Variants in MYRFL observed in about 807,000 individuals in gnomAD.
MYRFL encodes myelin regulatory factor like, also known as myelin regulatory factor-like protein.
In MYRFL, 88 loss-of-function variants were observed where a neutral mutation model predicts 109.4. That is an observed-to-expected ratio of 0.80 (90% CI 0.68 to 0.96). The LOEUF is 0.96. MYRFL is among the 40% of genes least tolerant of loss of function. The pLI is 0.00. For missense variants in MYRFL, 957 were observed against 954.9 expected, an observed-to-expected ratio of 1.00 and a Z score of -0.03; for synonymous variants, 324 against 320.9, an observed-to-expected ratio of 1.01 and a Z score of -0.10.
At chr12:69,852,315 A>G (rs1009832081) in intron 1 of MYRFL, among the ~76,000 whole-genome samples, 3 of 152,140 alleles carry the variant, frequency 2.0e-5, no homozygotes, top group African/African-American at 7.2e-5. Flanking sequence ...GGCCTTTCAT[A>G]GAGTTTTTAG....
At chr12:69,945,465 G>A (rs1955803008) in intron 19 of MYRFL, among the ~76,000 whole-genome samples, 1 of 152,176 alleles carries the variant, frequency 6.6e-6, no homozygotes, top group South Asian at 2.1e-4. Flanking sequence ...ACAGTAACAT[G>A]CTGTACAGGT....
At chr12:69,941,711 A>G (rs1313905188) in intron 19 of MYRFL, among the ~76,000 whole-genome samples, 2 of 144,594 alleles carry the variant, frequency 1.4e-5, no homozygotes, top group Admixed American at 6.8e-5. Context: ...AAATAGAGAC[A>G]CAAAAAACCC....
chr12:69,850,773 G>A (rs1460400121), intron 1 of MYRFL, among the ~76,000 whole-genome samples: 2 of 151,680 alleles, frequency 1.3e-5, no homozygotes, highest in Non-Finnish European at 2.9e-5. Flanking sequence ...ACATGAATTC[G>A]CTCTTCATCC....
At chr12:69,873,180 T>C (rs552024293) in intron 2 of MYRFL, among the ~76,000 whole-genome samples, 4 of 152,248 alleles carry the variant, frequency 2.6e-5, no homozygotes, top group African/African-American at 7.2e-5. Context: ...CTGGGCCACA[T>C]CGGAAGAAGA....
intron 19 of MYRFL, among the ~76,000 whole-genome samples, chr12:69,944,693 A>C (rs1955776975): frequency 7.1e-6 from 1 of 141,712 alleles, no homozygotes; most frequent in Non-Finnish European, 1.5e-5. Context: ...ATAATAAAAG[A>C]AAAAAAAAGA....
chr12:69,855,491 T>G, intron 2 of MYRFL, 121 bp downstream of exon 2: 1 of 596,058 alleles, frequency 1.7e-6, no homozygotes, highest in Non-Finnish European at 3.0e-6. Flanking sequence ...GTTGACATTA[T>G]TATGTCTATG....
At chr12:69,941,816 G>A (rs1222773601) in intron 19 of MYRFL, among the ~76,000 whole-genome samples, 8 of 151,758 alleles carry the variant, frequency 5.3e-5, no homozygotes, top group African/African-American at 1.7e-4. Flanking sequence ...AAAGACAGAA[G>A]AATCAAATAG....
rs188979622 is a variant in MYRFL, at chr12:69,945,303, C to T, written c.2225-6810C>T. ...CTCACTGATTGACTCAGAGCAACTT[C>T]CAGCCCTGTAAGCTCCATTCATGGT... On this transcript the variant is annotated intron_variant, in intron 19 of 24. Coordinates refer to ENST00000552032, the MANE Select transcript of MYRFL (RefSeq NM_182530.3). Among the ~76,000 whole-genome samples, 1,132 of 149,258 alleles carry T rather than the reference C, an allele frequency of 7.6e-3. 6 individuals are homozygous for T. The highest frequency in any genetic ancestry group is 0.013 in the Admixed American group (202 of 14,984).
chr12:69,866,172 G>A (rs1372278454), intron 2 of MYRFL, among the ~76,000 whole-genome samples: 1 of 152,050 alleles, frequency 6.6e-6, no homozygotes, highest in South Asian at 2.1e-4. Context: ...TACATGAAAT[G>A]TGTCTAAAAT....
intron 11 of MYRFL, among the ~76,000 whole-genome samples, chr12:69,906,961 C>T (rs1199665111): frequency 1.3e-5 from 2 of 152,198 alleles, no homozygotes; most frequent in Non-Finnish European, 2.9e-5. Context: ...TCCAAAACTT[C>T]TGTGGGCAAG....
rs765694846 is a variant in MYRFL at position 69,880,265 on chromosome 12, C to T, written c.529C>T (p.Arg177Ter). Residue 177 changes from arginine (R) to a stop codon, truncating the protein, a stop_gained, in exon 5 of 25, where the codon CGA becomes TGA. Coordinates refer to ENST00000552032, the MANE Select transcript of MYRFL (RefSeq NM_182530.3). LOFTEE classifies it high-confidence loss of function. ...GGCACTGGAGGACTCCGGGGAATGC[C>T]GAGTGTGGGCCTGCCACTGCAGACC... Reference protein sequence around the residue: ...TQALEDSGECRVWACHCRPMT... With the variant: ...TQALEDSGEC The T allele has an allele frequency of 1.0e-5, 7 of 702,468 alleles. No homozygotes were observed. The highest frequency in any genetic ancestry group is 4.4e-5 in the South Asian group (3 of 67,536). The allele number at this position is 702,468 out of a possible 1,614,324, so 43.5% of individuals were successfully genotyped here.
chr12:69,938,676 A>G (rs1306704880), intron 19 of MYRFL, among the ~76,000 whole-genome samples: 2 of 152,242 alleles, frequency 1.3e-5, no homozygotes, highest in Non-Finnish European at 2.9e-5. Flanking sequence ...TTTAAATAAA[A>G]AAAGCTTATA....
intron 7 of MYRFL, among the ~76,000 whole-genome samples, chr12:69,891,685 C>CTTTCTTTCTTTCTTTCTT (rs1566002856): frequency 1.1e-5 from 1 of 93,892 alleles, no homozygotes; most frequent in African/African-American, 4.9e-5. Context: ...TTCTTTCTTT[C>CTTTCTTTCTTTCTTTCTT]GTTCGTTCGT....
intron 1 of MYRFL, among the ~76,000 whole-genome samples, chr12:69,825,898 C>G (rs1028964138): frequency 2.6e-5 from 4 of 151,944 alleles, no homozygotes; most frequent in Non-Finnish European, 5.9e-5. Context: ...CATAGCCATG[C>G]TCAAATTCCA....
intron 5 of MYRFL, among the ~76,000 whole-genome samples, chr12:69,884,083 G>A (rs189488744): frequency 2.0e-5 from 3 of 152,250 alleles, no homozygotes; most frequent in African/African-American, 7.2e-5. Flanking sequence ...AGATCATTTT[G>A]TAAAGTATAA....
chr12:69,958,151 T>C (rs1956135148), intron 23 of MYRFL, 98 bp from the exon 24 acceptor site: 1 of 1,217,484 alleles, frequency 8.2e-7, no homozygotes, highest in Admixed American at 2.2e-5. Context: ...CCAATACTTC[T>C]CCTACAGTCA....
At position 69,825,635 on chromosome 12, in the gene MYRFL, G is replaced by A. The variant is rs78486176; in HGVS notation, c.46+72G>A. The A allele has an allele frequency of 3.8e-4, 261 of 679,280 alleles. No individual in the cohort carries two copies. The East Asian group carries it at 5.1e-3, about 13-fold the overall frequency. The allele number at this position is 679,280 out of a possible 1,614,324, so 42.1% of individuals were successfully genotyped here. The stretch of plus-strand genomic sequence containing the variant: ...TCACTATCCCTGTTTCACCTTTTCC[G>A]TATTCACTTAAACTTTGTTTTGAAA... On this transcript the variant is annotated intron_variant, in intron 1 of 24. Coordinates refer to ENST00000552032, the MANE Select transcript of MYRFL (RefSeq NM_182530.3).
chr12:69,857,511 C>T (rs1271552925), intron 2 of MYRFL, among the ~76,000 whole-genome samples: 1 of 151,810 alleles, frequency 6.6e-6, no homozygotes, highest in Admixed American at 6.6e-5. Context: ...ATTGAGCCTT[C>T]CAATCTATGA....
intron 19 of MYRFL, among the ~76,000 whole-genome samples, chr12:69,950,377 A>G (rs968359786): frequency 6.6e-6 from 1 of 152,058 alleles, no homozygotes; most frequent in Non-Finnish European, 1.5e-5. Flanking sequence ...CCTGGACTCA[A>G]CTCTAAAGGG....
Sources: allele counts gnomAD v4.1 joint callset (sites outside exome capture counted in the v4.1 genomes callset), GRCh38; gene constraint gnomAD v4.1.1; transcripts MANE v1.5; gene names NCBI Gene and HGNC (gene_info 2026-07-23, HGNC 2026-07-21).